PRDM16: variants seen among roughly 807,000 people sequenced by gnomAD.
PRDM16 encodes PR/SET domain 16.
In PRDM16, 23 loss-of-function variants were observed where a neutral mutation model predicts 110.6. That is an observed-to-expected ratio of 0.21 (90% confidence interval 0.15 to 0.29). PRDM16 has a LOEUF of 0.29. Among genes scored for constraint, PRDM16 ranks in the 10% least tolerant of loss-of-function variants. The pLI, the probability that PRDM16 is intolerant of heterozygous loss-of-function variation, is 1.00. For missense variants in PRDM16, 1,615 were observed against 1,794.3 expected (o/e 0.90, Z 1.81); for synonymous variants, 799 against 781.8 (o/e 1.02, Z -0.37).
Position 3,431,027 on chromosome 1 carries a change from C to G in PRDM16, c.3440C>G (p.Pro1147Arg), listed in dbSNP as rs997911754. ...KSQDDTVSPA[P>R]EPQAAYEDEE... is the part of the protein sequence containing the mutation. The stretch of plus-strand genomic sequence containing the variant: ...CAGGATGACACCGTGTCCCCCGCAC[C>G]CGAGCCCCAGGCCGCCTACGAGGAT... The change falls in exon 15 of 17, where the codon CCC becomes CGC. Residue 1147 changes from proline (P) to arginine (R), a missense_variant. Pro to Arg is a moderately radical substitution (Grantham distance 103). Around this residue, in one of 5 missense-constraint regions of PRDM16, gnomAD observed 327 missense variants for 359.3 expected, o/e 0.91. Coordinates refer to ENST00000270722, the MANE Select transcript of PRDM16 (RefSeq NM_022114.4). 6.4e-7 allele frequency: 1 copy of G among 1,571,106 alleles called. No homozygotes were observed. Among genetic ancestry groups the G allele is most frequent in the Non-Finnish European group, 8.6e-7 (1 of 1,158,216 alleles).
chr1:3,348,196 T>A (rs1395784320), intron 3 of PRDM16, among the ~76,000 whole-genome samples: 1 of 152,132 alleles, frequency 6.6e-6, no homozygotes. Flanking sequence ...TCTGGGCCCC[T>A]GAACAGTTCT....
At chr1:3,116,839 C>T (rs1642973144) in intron 1 of PRDM16, among the ~76,000 whole-genome samples, 1 of 152,226 alleles carries the variant, frequency 6.6e-6, no homozygotes, top group African/African-American at 2.4e-5. Flanking sequence ...CGTGTGCCCC[C>T]ACCTGCCTCC....
chr1:3,427,846 T>C (rs1286916022), intron 14 of PRDM16, among the ~76,000 whole-genome samples: 1 of 152,028 alleles, frequency 6.6e-6, no homozygotes, highest in African/African-American at 2.4e-5. Flanking sequence ...GTCCCGGCAT[T>C]CCCCAGTGGG....
chr1:3,194,578 A>G lies in PRDM16; in HGVS notation c.387+8104A>G, dbSNP rs189659567. ...TGCGGCAACTGGCCACTGTCTCCCC[A>G]CCACACGCCACCGTCTCCCCACCAC... On this transcript the variant is annotated intron_variant, in intron 2 of 16. Coordinates refer to ENST00000270722, the MANE Select transcript of PRDM16 (RefSeq NM_022114.4). 8.9e-3 allele frequency among the ~76,000 whole-genome samples: 1,253 copies of G among 140,210 alleles called. 13 individuals carry two copies. The highest frequency in any genetic ancestry group is 0.033 in the African/African-American group (1,161 of 34,678). The allele number at this position is 140,210 out of a possible 152,430, so 92.0% of individuals were successfully genotyped here. A position where few individuals can be genotyped will look rare whatever the true frequency, so the allele number is the denominator to read the frequency against.
In PRDM16 at chr1:3,069,343, G is replaced by T. The variant is rs1641682911; in HGVS notation, c.37+47G>T. 3.0e-6 allele frequency: 3 copies of T among 983,624 alleles called. No homozygotes were observed. Among genetic ancestry groups the T allele is most frequent in the South Asian group, 4.3e-5 (1 of 23,138 alleles). The allele number at this position is 983,624 out of a possible 1,614,324, so 60.9% of individuals were successfully genotyped here. On this transcript the variant is annotated intron_variant, in intron 1 of 16. Coordinates refer to ENST00000270722, the MANE Select transcript of PRDM16 (RefSeq NM_022114.4). This position sits in a 1 kb window ranked among gnomAD's most constrained non-coding sequence, Gnocchi z 6.1. ...GCGCCGCGCCGCCGGGGCCCGGGCCGCCGGGCCGGGGCGCCCGGGCCAGGG... is the reference window on the plus strand; with the variant it reads ...GCGCCGCGCCGCCGGGGCCCGGGCCTCCGGGCCGGGGCGCCCGGGCCAGGG...
chr1:3,354,592 C>T (rs1642556950), intron 3 of PRDM16, among the ~76,000 whole-genome samples: 1 of 152,196 alleles, frequency 6.6e-6, no homozygotes, highest in Admixed American at 6.5e-5. Flanking sequence ...ACAGAGGGGC[C>T]ATGGGAGCTC....
At chr1:3,310,869 ATG>A (rs1166772861) in intron 3 of PRDM16, among the ~76,000 whole-genome samples, 6 of 151,150 alleles carry the variant, frequency 4.0e-5, no homozygotes, top group African/African-American at 1.5e-4. Flanking sequence ...GTGTGTGTGC[ATG>A]TGTGGGCATG....
At chr1:3,083,988 C>G (rs543426627) in intron 1 of PRDM16, among the ~76,000 whole-genome samples, 1 of 152,344 alleles carries the variant, frequency 6.6e-6, no homozygotes, top group Admixed American at 6.5e-5. Flanking sequence ...AGACCCTGTT[C>G]GCGAGAGAAG....
chr1:3,331,985 T>C (rs1642050502), intron 3 of PRDM16, among the ~76,000 whole-genome samples: 1 of 152,232 alleles, frequency 6.6e-6, no homozygotes, highest in African/African-American at 2.4e-5. Flanking sequence ...ACATAGACTC[T>C]GGCCCTGGGA....
Position 3,080,685 on chromosome 1 carries a change from G to A in PRDM16, c.37+11389G>A, listed in dbSNP as rs141317744. Among the ~76,000 whole-genome samples the A allele has an allele frequency of 1.1e-3, 160 of 152,280 alleles. No homozygotes were observed. The highest frequency in any genetic ancestry group is 3.6e-3 in the African/African-American group (149 of 41,568). ...GCAGCCTGAGAAAAAGCAAACTTGAGCAAAGCCAGCTTGCTCTCCCCCTCG... is the reference window on the plus strand; with the variant it reads ...GCAGCCTGAGAAAAAGCAAACTTGAACAAAGCCAGCTTGCTCTCCCCCTCG... On this transcript the variant is annotated intron_variant, in intron 1 of 16. Coordinates refer to ENST00000270722, the MANE Select transcript of PRDM16 (RefSeq NM_022114.4). The surrounding 1 kb of genome is among the most constrained non-coding windows in gnomAD (Gnocchi z 5.2).
At chr1:3,138,851 T>G (rs1569660310) in intron 1 of PRDM16, among the ~76,000 whole-genome samples, 1 of 152,182 alleles carries the variant, frequency 6.6e-6, no homozygotes, top group East Asian at 1.9e-4. Context: ...TTCCCTGGGC[T>G]TGGTGCAGCT....
At chr1:3,184,764 G>A (rs1028370493) in intron 1 of PRDM16, among the ~76,000 whole-genome samples, 1 of 152,172 alleles carries the variant, frequency 6.6e-6, no homozygotes, top group African/African-American at 2.4e-5. Flanking sequence ...GTCTCTGGGG[G>A]CCTGTGCTGG....
intron 2 of PRDM16, among the ~76,000 whole-genome samples, chr1:3,211,783 T>C (rs1327177164): frequency 6.6e-6 from 1 of 152,222 alleles, no homozygotes; most frequent in African/African-American, 2.4e-5. Context: ...CCCATGGCCT[T>C]GCAGCACGAG....
At position 3,436,711 on chromosome 1, in the gene PRDM16, CAG is replaced by C. The variant is rs1638918316; in HGVS notation, c.*2904_*2905del. ...GGAGCCTGGCCCGGGTGTGAGAATT[CAG>C]AGATTCTGGCCTCCAGCTGTCACCA... On this transcript the variant is annotated 3_prime_UTR_variant, in exon 17 of 17. Coordinates refer to ENST00000270722, the MANE Select transcript of PRDM16 (RefSeq NM_022114.4). The C allele has an allele frequency of 1.7e-5, 4 of 232,084 alleles. No homozygotes were observed. Among genetic ancestry groups the C allele is most frequent in the Admixed American group, 1.1e-4 (2 of 17,744 alleles). 14.4% of individuals were successfully genotyped at this position (232,084 alleles called of 1,614,324 possible). A position where few individuals can be genotyped will look rare whatever the true frequency, so the allele number is the denominator to read the frequency against.
chr1:3,228,273 C>A (rs2100879666), intron 2 of PRDM16, among the ~76,000 whole-genome samples: 1 of 152,334 alleles, frequency 6.6e-6, no homozygotes, highest in South Asian at 2.1e-4. Flanking sequence ...AACGAGACGC[C>A]TTGAAAGTGG....
intron 3 of PRDM16, among the ~76,000 whole-genome samples, chr1:3,280,512 C>A (rs940332213): frequency 6.6e-6 from 1 of 152,318 alleles, no homozygotes; most frequent in South Asian, 2.1e-4. Context: ...TGCGGAGGGA[C>A]GGCGTACATT....
intron 14 of PRDM16, among the ~76,000 whole-genome samples, chr1:3,429,461 C>T (rs1638706197): frequency 6.6e-6 from 1 of 152,240 alleles, no homozygotes. Flanking sequence ...GATGAGATCT[C>T]ACAGCACATG....
At chr1:3,317,099 C>T (rs976902856) in intron 3 of PRDM16, among the ~76,000 whole-genome samples, 22 of 152,202 alleles carry the variant, frequency 1.4e-4, no homozygotes, top group Admixed American at 2.6e-4. Flanking sequence ...CAATGACATA[C>T]GTAATGACAG....
In PRDM16 at chr1:3,278,868, A is replaced by G. The variant is rs375841908; in HGVS notation, c.438+34731A>G. On this transcript the variant is annotated intron_variant, in intron 3 of 16. Coordinates refer to ENST00000270722, the MANE Select transcript of PRDM16 (RefSeq NM_022114.4). ...CACAAAGCGTCCCTGCGTCCTCTCA[A>G]CGTGGCCCAGCTCCTGCAGACACTC... 1.4e-4 allele frequency among the ~76,000 whole-genome samples: 21 copies of G among 152,278 alleles called. No homozygotes were observed. In the East Asian group the frequency reaches 2.5e-3, roughly 18 times the overall value.
Sources: allele counts gnomAD v4.1 joint callset (sites outside exome capture counted in the v4.1 genomes callset), GRCh38; gene constraint gnomAD v4.1.1; regional missense constraint gnomAD v4.1.1; non-coding constraint Gnocchi (gnomAD v3.1); transcripts MANE v1.5; gene names NCBI Gene and HGNC (gene_info 2026-07-23, HGNC 2026-07-21).